The following ARHGAP22 variants were observed in gnomAD, a reference collection of about 807,000 sequenced individuals.
ARHGAP22 encodes Rho GTPase activating protein 22.
A neutral mutation model predicts 59.1 loss-of-function variants in ARHGAP22; 48 were observed. That is an observed-to-expected ratio of 0.81 (90% confidence interval 0.64 to 1.03). The LOEUF is 1.03. Ranked by LOEUF, ARHGAP22 falls within the 50% of genes least tolerant of loss-of-function variation. The pLI, the probability that ARHGAP22 is intolerant of heterozygous loss-of-function variation, is 0.00. For missense variants in ARHGAP22, 1,015 were observed against 958.7 expected (o/e 1.06, Z -0.78); for synonymous variants, 445 against 416.4 (o/e 1.07, Z -0.84).
chr10:48,516,951 C>G (rs532796154), intron 3 of ARHGAP22, among the ~76,000 whole-genome samples: 182 of 152,288 alleles, frequency 1.2e-3, no homozygotes, highest in African/African-American at 4.2e-3. Context: ...AGTAGCCATA[C>G]ATAGATGAAC....
At chr10:48,507,196 G>T (rs536013518) in intron 3 of ARHGAP22, among the ~76,000 whole-genome samples, 130 of 152,274 alleles carry the variant, frequency 8.5e-4, no homozygotes, top group African/African-American at 3.0e-3. Flanking sequence ...GTAACACCTG[G>T]TTTATCTAGA....
chr10:48,484,247 T>A (rs1460922709), intron 3 of ARHGAP22, among the ~76,000 whole-genome samples: 1 of 152,262 alleles, frequency 6.6e-6, no homozygotes, highest in African/African-American at 2.4e-5. Context: ...CTTTTCTGCA[T>A]CTATTGTAAT....
At position 48,503,002 on chromosome 10, in the gene ARHGAP22, C is replaced by T. The variant is rs577008679; in HGVS notation, c.323-23238G>A. Reference sequence around the variant, plus strand: ...GCATCCTCTCAGCCACCTCCACCCACGGCTTGGGCTCGCCTGGCTCTGAGG... The same window carrying T: ...GCATCCTCTCAGCCACCTCCACCCATGGCTTGGGCTCGCCTGGCTCTGAGG... On this transcript the variant is annotated intron_variant, in intron 3 of 9. Transcript: ENST00000249601. Among the ~76,000 whole-genome samples, 7 of 152,344 alleles carry T rather than the reference C, an allele frequency of 4.6e-5. No individual in the cohort carries two copies. In the East Asian group the frequency reaches 9.6e-4, roughly 21 times the overall value.
At chr10:48,431,005 T>C in the ARHGAP22 span, 1 of 618,506 alleles carries the variant, frequency 1.6e-6, no homozygotes, top group African/African-American at 1.9e-5. Flanking sequence ...TATGATCCAT[T>C]GTTGAGTGTC....
At chr10:48,568,643 T>A (rs1190755581) in intron 2 of ARHGAP22, among the ~76,000 whole-genome samples, 1 of 152,258 alleles carries the variant, frequency 6.6e-6, no homozygotes, top group African/African-American at 2.4e-5. Flanking sequence ...GATATGGGCA[T>A]TGACTGCTGC....
At chr10:48,575,927 T>C (rs2058682834) in intron 2 of ARHGAP22, among the ~76,000 whole-genome samples, 1 of 152,220 alleles carries the variant, frequency 6.6e-6, no homozygotes, top group African/African-American at 2.4e-5. Flanking sequence ...AGCCTGGTCC[T>C]GGTCAGCCCC....
chr10:48,554,337 A>G (rs1004947956), intron 3 of ARHGAP22, among the ~76,000 whole-genome samples: 2 of 152,124 alleles, frequency 1.3e-5, no homozygotes, highest in African/African-American at 4.8e-5. Context: ...CCCTCAGTGG[A>G]CAGCCAATAG....
intron 3 of ARHGAP22, among the ~76,000 whole-genome samples, chr10:48,531,874 T>C (rs534975745): frequency 6.6e-6 from 1 of 152,332 alleles, no homozygotes; most frequent in Admixed American, 6.5e-5. Flanking sequence ...CACACATAAC[T>C]GTAGTTGAGA....
At chr10:48,454,303 C>T (rs548986809) in intron 6 of ARHGAP22, 142 bp from the exon 7 acceptor site, 1 of 734,650 alleles carries the variant, frequency 1.4e-6, no homozygotes, top group African/African-American at 1.7e-5. Flanking sequence ...CCACCACCTC[C>T]ACCTCCCCTC....
chr10:48,616,910 A>G (rs567158276), intron 1 of ARHGAP22, among the ~76,000 whole-genome samples: 6 of 152,220 alleles, frequency 3.9e-5, no homozygotes, highest in Admixed American at 2.6e-4. Context: ...AGTACTTAAG[A>G]TGACCATATA....
At position 48,450,556 on chromosome 10, in the gene ARHGAP22, A is replaced by G; in HGVS notation, c.1573T>C (p.Ser525Pro). The change falls in exon 9 of 10, where the codon TCA becomes CCA. Residue 525 changes from serine (S) to proline (P), a missense_variant. Coordinates refer to ENST00000249601, the MANE Select transcript of ARHGAP22 (RefSeq NM_021226.4). ...ASSSESSVGG[S>P]LSSCTACRAS... The stretch of plus-strand genomic sequence containing the variant: ...CGGCAGGCCGTGCAGCTGCTGAGTG[A>G]GCCCCCCACCGACGACTCGCTGGAC... 1 of 1,524,086 alleles carries G rather than the reference A, an allele frequency of 6.6e-7. No individual in the cohort carries two copies. The highest frequency in any genetic ancestry group is 8.8e-7 in the Non-Finnish European group (1 of 1,136,212). 94.4% of individuals were successfully genotyped at this position (1,524,086 alleles called of 1,614,324 possible). A position where few individuals can be genotyped will look rare whatever the true frequency, so the allele number is the denominator to read the frequency against.
intron 1 of ARHGAP22, among the ~76,000 whole-genome samples, chr10:48,625,413 G>A (rs113446970): frequency 4.5e-4 from 69 of 152,212 alleles, no homozygotes; most frequent in Non-Finnish European, 9.0e-4. Flanking sequence ...GAGGGGTGAT[G>A]ATTTGAATTC....
At chr10:48,463,271 G>A (rs1351519089) in intron 4 of ARHGAP22, among the ~76,000 whole-genome samples, 1 of 152,214 alleles carries the variant, frequency 6.6e-6, no homozygotes, top group Non-Finnish European at 1.5e-5. Flanking sequence ...GGTCTTGACA[G>A]GTATTCGTTC....
intron 3 of ARHGAP22, among the ~76,000 whole-genome samples, chr10:48,481,926 C>G (rs1448781146): frequency 2.0e-5 from 3 of 152,120 alleles, no homozygotes; most frequent in African/African-American, 7.2e-5. Flanking sequence ...AATATCTGTT[C>G]AAATCTTTTG....
chr10:48,482,629 T>C (rs1408333452), intron 3 of ARHGAP22, among the ~76,000 whole-genome samples: 3 of 152,166 alleles, frequency 2.0e-5, no homozygotes, highest in African/African-American at 4.8e-5. Context: ...TTCTTTTCTA[T>C]TTCTAATTTG....
At chr10:48,585,850 G>T (rs1377562332) in intron 1 of ARHGAP22, among the ~76,000 whole-genome samples, 2 of 152,236 alleles carry the variant, frequency 1.3e-5, no homozygotes, top group African/African-American at 2.4e-5. Flanking sequence ...ACTGAAGCTG[G>T]ATTGGTGATT....
intron 3 of ARHGAP22, among the ~76,000 whole-genome samples, chr10:48,542,009 G>GGT (rs2056001718): frequency 6.6e-6 from 1 of 152,338 alleles, no homozygotes; most frequent in African/African-American, 2.4e-5. Context: ...GCAGGGGCCG[G>GGT]GTGCTGGAGG....
chr10:48,618,878 G>C (rs2061184149), intron 1 of ARHGAP22, among the ~76,000 whole-genome samples: 1 of 152,140 alleles, frequency 6.6e-6, no homozygotes, highest in South Asian at 2.1e-4. Flanking sequence ...AAGATGTAAA[G>C]AACATCCAGG....
chr10:48,649,230 T>C (rs1302828246), intron 1 of ARHGAP22, among the ~76,000 whole-genome samples: 1 of 152,162 alleles, frequency 6.6e-6, no homozygotes, highest in African/African-American at 2.4e-5. Context: ...AAGTCCCCTA[T>C]TCTCTCAGGA....
Sources: allele counts gnomAD v4.1 joint callset (sites outside exome capture counted in the v4.1 genomes callset), GRCh38; gene constraint gnomAD v4.1.1; transcripts MANE v1.5; gene names NCBI Gene and HGNC (gene_info 2026-07-23, HGNC 2026-07-21).